The following FBXO11 variants were observed in gnomAD, a reference collection of about 807,000 sequenced individuals.
The protein encoded by FBXO11 is F-box only protein 11.
FBXO11 carries 13 observed loss-of-function variants against 117.0 expected under a neutral mutation model. The ratio of observed to expected loss-of-function variants is 0.11; its 90% confidence interval spans 0.07 to 0.18. FBXO11 has a LOEUF of 0.18. Ranked by LOEUF, FBXO11 falls within the 10% of genes least tolerant of loss-of-function variation. The pLI is 1.00. For synonymous variants in FBXO11, 490 were observed against 380.5 expected (o/e 1.29, Z -3.35); for missense variants, 767 against 1,164.4 (o/e 0.66, Z 4.97).
In FBXO11 at chr2:47,839,268, G is replaced by A. The variant is rs1292184791; in HGVS notation, c.442+151C>T. 6.7e-6 allele frequency: 5 copies of A among 751,296 alleles called. No homozygotes were observed. The African/African-American group carries it at 8.9e-5, about 13-fold the overall frequency. The allele number at this position is 751,296 out of a possible 1,614,324, so 46.5% of individuals were successfully genotyped here. ...TTTTATACAACAATAAAAGTCAGAG[G>A]GAGAGGTCAGGGTTCTAAAGTTTAT... On this transcript the variant is annotated intron_variant, in intron 3 of 22. Coordinates refer to ENST00000403359, the MANE Select transcript of FBXO11 (RefSeq NM_001190274.2).
intron 11 of FBXO11, among the ~76,000 whole-genome samples, chr2:47,829,292 G>A (rs773441413): frequency 2.0e-5 from 3 of 152,198 alleles, no homozygotes; most frequent in Middle Eastern, 3.4e-3. Flanking sequence ...CCAGGCTGGA[G>A]TGCAGTGGCG....
intron 1 of FBXO11, among the ~76,000 whole-genome samples, chr2:47,900,125 C>G (rs1677993316): frequency 6.6e-6 from 1 of 152,086 alleles, no homozygotes; most frequent in Non-Finnish European, 1.5e-5. Context: ...GCCTTATCAG[C>G]AGAGCTCTTA....
chr2:47,810,619 G>T, intron 18 of FBXO11, 193 bp from the exon 19 acceptor site: 1 of 477,880 alleles, frequency 2.1e-6, no homozygotes, highest in Non-Finnish European at 3.7e-6. Flanking sequence ...TACAATGACA[G>T]GTAAGAGCAT....
At position 47,835,996 on chromosome 2, in the gene FBXO11, C is replaced by A; in HGVS notation, c.593G>T (p.Arg198Leu). ...ATATTCAAATACTTCCATATATAAT[C>A]GTTTCCTGAACAGAGAAAGGAATTA... Reference protein sequence around the residue: ...ELANDPILWKRLYMEVFEYTR... With the variant: ...ELANDPILWKLLYMEVFEYTR... The change falls in exon 5 of 23, where the codon CGA (arginine) becomes CTA (leucine). Residue 198 changes from arginine (R) to leucine (L), a missense_variant. Physicochemically the swap from Arg to Leu is moderately radical, Grantham distance 102 (BLOSUM62 -2). Coordinates refer to ENST00000403359, the MANE Select transcript of FBXO11 (RefSeq NM_001190274.2). The A allele has an allele frequency of 1.3e-6, 2 of 1,594,822 alleles. No individual in the cohort carries two copies. The highest frequency in any genetic ancestry group is 1.1e-5 in the South Asian group (1 of 87,202).
chr2:47,827,649 G>C (rs961988597), intron 11 of FBXO11, among the ~76,000 whole-genome samples: 1 of 151,626 alleles, frequency 6.6e-6, no homozygotes, highest in Non-Finnish European at 1.5e-5. Context: ...ATTTTGTTAA[G>C]CAATACCTCT....
At position 47,900,685 on chromosome 2, in the gene FBXO11, C is replaced by CACACACGTACGTATAT. The variant is rs1678116516; in HGVS notation, c.232+4803_232+4804insATATACGTACGTGTGT. Among the ~76,000 whole-genome samples the CACACACGTACGTATAT allele has an allele frequency of 6.8e-5, 4 of 59,042 alleles. 1 individual carries two copies. Among genetic ancestry groups the CACACACGTACGTATAT allele is most frequent in the Non-Finnish European group, 1.0e-4 (3 of 28,972 alleles). 38.7% of individuals were successfully genotyped at this position (59,042 alleles called of 152,430 possible). Reference sequence around the variant, plus strand: ...ACACGTACGTATATACACACGTATACACACACGTATACACACACGTGTATA... The same window carrying CACACACGTACGTATAT: ...ACACGTACGTATATACACACGTATACACACACGTACGTATATACACACGTATACACACACGTGTATA... On this transcript the variant is annotated intron_variant, in intron 1 of 22. Transcript: ENST00000403359.
intron 1 of FBXO11, among the ~76,000 whole-genome samples, chr2:47,867,084 T>C (rs1377824134): frequency 6.6e-6 from 1 of 152,180 alleles, no homozygotes; most frequent in African/African-American, 2.4e-5. Flanking sequence ...TTGTCTAACA[T>C]TGCTTCATTT....
At chr2:47,813,189 A>G in intron 18 of FBXO11, 45 bp downstream of exon 18, 3 of 1,573,518 alleles carry the variant, frequency 1.9e-6, no homozygotes, top group Non-Finnish European at 2.6e-6. Flanking sequence ...ATGGAAGAAT[A>G]ATGGAAAACT....
intron 1 of FBXO11, among the ~76,000 whole-genome samples, chr2:47,899,027 C>T (rs376006525): frequency 3.9e-5 from 6 of 151,964 alleles, no homozygotes; most frequent in Admixed American, 2.6e-4. Flanking sequence ...GTAATCCCAG[C>T]ACTTTGGGAG....
intron 1 of FBXO11, among the ~76,000 whole-genome samples, chr2:47,902,494 T>A (rs1354228768): frequency 6.6e-6 from 1 of 152,062 alleles, no homozygotes; most frequent in Non-Finnish European, 1.5e-5. Context: ...ACACTGGCCA[T>A]TACAGATAAG....
chr2:47,868,228 A>G (rs1462056384), intron 1 of FBXO11, among the ~76,000 whole-genome samples: 1 of 148,148 alleles, frequency 6.8e-6, no homozygotes, highest in Non-Finnish European at 1.5e-5. Context: ...GGTTGCAGTG[A>G]GCCGAGATCG....
intron 1 of FBXO11, among the ~76,000 whole-genome samples, chr2:47,857,965 A>G (rs570544851): frequency 2.0e-5 from 3 of 152,320 alleles, no homozygotes; most frequent in Admixed American, 1.3e-4. Context: ...ACACATACAT[A>G]TATTTCAAAT....
At chr2:47,848,428 G>C (rs2103621308) in intron 1 of FBXO11, among the ~76,000 whole-genome samples, 1 of 152,264 alleles carries the variant, frequency 6.6e-6, no homozygotes, top group South Asian at 2.1e-4. Flanking sequence ...CTGATGATCT[G>C]AGGTGAACAG....
chr2:47,827,432 G>A (rs1007043667), intron 11 of FBXO11, among the ~76,000 whole-genome samples: 3 of 150,894 alleles, frequency 2.0e-5, no homozygotes, highest in Non-Finnish European at 4.4e-5. Flanking sequence ...TCAGCCTCCC[G>A]AGGAGCTGGG....
chr2:47,882,045 G>C (rs1348056535), intron 1 of FBXO11, among the ~76,000 whole-genome samples: 1 of 152,132 alleles, frequency 6.6e-6, no homozygotes, highest in Non-Finnish European at 1.5e-5. Context: ...ACCACGCCCA[G>C]CCCACATTTT....
At chr2:47,852,726 T>A (rs1673967008) in intron 1 of FBXO11, among the ~76,000 whole-genome samples, 1 of 152,228 alleles carries the variant, frequency 6.6e-6, no homozygotes, top group East Asian at 1.9e-4. Context: ...TACCTAACAC[T>A]TACTGAAAAC....
chr2:47,864,707 C>G (rs1163856158), intron 1 of FBXO11, among the ~76,000 whole-genome samples: 1 of 152,112 alleles, frequency 6.6e-6, no homozygotes, highest in Non-Finnish European at 1.5e-5. Context: ...GAATAAAAGT[C>G]CACAGAGGTC....
chr2:47,905,283 G>A (rs1678685289), intron 1 of FBXO11: 2 of 341,902 alleles, frequency 5.8e-6, no homozygotes, highest in Middle Eastern at 9.5e-4. Flanking sequence ...GAGAGCCCAG[G>A]CGAGAAGGGA....
chr2:47,821,955 C>G (rs1671421960), intron 13 of FBXO11, among the ~76,000 whole-genome samples: 1 of 152,108 alleles, frequency 6.6e-6, no homozygotes, highest in Admixed American at 6.5e-5. Flanking sequence ...CACGGTGGCA[C>G]ATGCCTGTAG....
Sources: allele counts gnomAD v4.1 joint callset (sites outside exome capture counted in the v4.1 genomes callset), GRCh38; gene constraint gnomAD v4.1.1; transcripts MANE v1.5; gene names NCBI Gene and HGNC (gene_info 2026-07-23, HGNC 2026-07-21).